Variants in NCALD observed in about 807,000 individuals in gnomAD.
NCALD encodes the protein neurocalcin-delta.
Under a neutral mutation model 18.6 loss-of-function variants are expected in NCALD, and 10 were observed. That is an observed-to-expected ratio of 0.54 (90% CI 0.33 to 0.91). The LOEUF is 0.91. NCALD is among the 40% of genes least tolerant of loss of function. The pLI is 0.03. For missense variants in NCALD, 184 were observed against 247.6 expected, an observed-to-expected ratio of 0.74 and a Z score of 1.72; for synonymous variants, 88 against 87.4, an observed-to-expected ratio of 1.01 and a Z score of -0.04.
chr8:102,045,919 T>C (rs1397425976), intron 1 of NCALD, among the ~76,000 whole-genome samples: 1 of 152,194 alleles, frequency 6.6e-6, no homozygotes, highest in Admixed American at 6.5e-5. Flanking sequence ...AGTTCACCAA[T>C]GTTTATTGAG....
At chr8:101,833,491 C>T (rs1035788086) in intron 4 of NCALD, among the ~76,000 whole-genome samples, 3 of 152,122 alleles carry the variant, frequency 2.0e-5, no homozygotes, top group African/African-American at 7.2e-5. Context: ...TCCAAACTGC[C>T]TTGGCTAGGA....
At chr8:101,863,269 C>G in intron 4 of NCALD, among the ~76,000 whole-genome samples, 1 of 152,152 alleles carries the variant, frequency 6.6e-6, no homozygotes, top group African/African-American at 2.4e-5. Context: ...TCTTATCAAC[C>G]TTGGGGTTTT....
At chr8:101,834,222 A>G (rs1229252153) in intron 4 of NCALD, among the ~76,000 whole-genome samples, 1 of 152,222 alleles carries the variant, frequency 6.6e-6, no homozygotes, top group Non-Finnish European at 1.5e-5. Flanking sequence ...ACATCAGTCG[A>G]TGCATTTACT....
intron 1 of NCALD, among the ~76,000 whole-genome samples, chr8:102,039,947 T>C (rs1175942779): frequency 6.6e-6 from 1 of 152,144 alleles, no homozygotes; most frequent in Non-Finnish European, 1.5e-5. Flanking sequence ...AGCCTGAGAC[T>C]CTCACCAGAT....
chr8:101,727,775 G>A (rs1816638330), intron 1 of NCALD, among the ~76,000 whole-genome samples: 1 of 152,196 alleles, frequency 6.6e-6, no homozygotes, highest in Non-Finnish European at 1.5e-5. Context: ...GCGTGAGCTG[G>A]CCCTGGGCCA....
intron 4 of NCALD, among the ~76,000 whole-genome samples, chr8:101,879,368 C>T (rs1044755913): frequency 1.3e-5 from 2 of 152,084 alleles, no homozygotes; most frequent in East Asian, 1.9e-4. Context: ...CAGACCTTCG[C>T]GGGGAGTATT....
At chr8:101,831,412 C>T (rs1358083345) in intron 4 of NCALD, among the ~76,000 whole-genome samples, 1 of 152,160 alleles carries the variant, frequency 6.6e-6, no homozygotes, top group East Asian at 1.9e-4. Flanking sequence ...CTTGCATGTA[C>T]CCACTCTCAA....
intron 1 of NCALD, among the ~76,000 whole-genome samples, chr8:101,780,781 A>G (rs1811981400): frequency 6.6e-6 from 1 of 152,240 alleles, no homozygotes; most frequent in Non-Finnish European, 1.5e-5. Context: ...CAGACATGAT[A>G]TAACATGATT....
intron 2 of NCALD, among the ~76,000 whole-genome samples, chr8:101,696,517 A>C (rs2130050335): frequency 6.6e-6 from 1 of 152,292 alleles, no homozygotes; most frequent in East Asian, 1.9e-4. Flanking sequence ...GGAAGCCCAG[A>C]GTGGGAGCGT....
intron 4 of NCALD, among the ~76,000 whole-genome samples, chr8:101,822,718 C>T (rs57850754): frequency 0.019 from 2,855 of 152,286 alleles, 97 homozygotes; most frequent in African/African-American, 0.064. Context: ...TTCCAGCAGG[C>T]AGAAACAGGA....
At chr8:101,828,139 C>T (rs565990516) in intron 4 of NCALD, among the ~76,000 whole-genome samples, 12 of 152,220 alleles carry the variant, frequency 7.9e-5, no homozygotes, top group Non-Finnish European at 1.6e-4. Context: ...CTCTCTACTT[C>T]TGCACTTGCC....
intron 3 of NCALD, among the ~76,000 whole-genome samples, chr8:101,902,841 G>C (rs142887438): frequency 3.5e-4 from 53 of 152,208 alleles, no homozygotes; most frequent in African/African-American, 1.1e-3. Flanking sequence ...TGGATTCCCT[G>C]ACCCAGCTCT....
intron 1 of NCALD, among the ~76,000 whole-genome samples, chr8:102,071,063 A>T (rs1824166302): frequency 6.6e-6 from 1 of 152,108 alleles, no homozygotes; most frequent in Non-Finnish European, 1.5e-5. Context: ...AGGTTCAGGG[A>T]TCCATCTGCT....
chr8:101,724,993 G>A (rs895386417), intron 1 of NCALD, among the ~76,000 whole-genome samples: 1 of 152,172 alleles, frequency 6.6e-6, no homozygotes, highest in African/African-American at 2.4e-5. Context: ...TGGGGGTGAG[G>A]CACTCCTAGG....
intron 1 of NCALD, among the ~76,000 whole-genome samples, chr8:101,726,487 T>C (rs548773779): frequency 1.3e-5 from 2 of 152,196 alleles, no homozygotes; most frequent in Admixed American, 6.5e-5. Flanking sequence ...ATGGTTCATA[T>C]GTAAGATGTG....
chr8:102,105,590 G>A (rs764013479), intron 1 of NCALD, among the ~76,000 whole-genome samples: 1 of 152,144 alleles, frequency 6.6e-6, no homozygotes, highest in African/African-American at 2.4e-5. Context: ...CCATACGTAA[G>A]ATAAAGAAAC....
rs546395292 is a variant in NCALD at position 101,845,875 on chromosome 8, C to G, written c.-20+41266G>C. On this transcript the variant is annotated intron_variant, in intron 4 of 6. Coordinates refer to the NCALD transcript ENST00000311028. ...TCTCTGGTAACTATCAGCCATTCCA[C>G]TCTCTACCTTCATAAGATGACCTTT... Among the ~76,000 whole-genome samples the G allele has an allele frequency of 4.5e-4, 69 of 152,322 alleles. 1 individual carries two copies. In the South Asian group the frequency reaches 0.013, roughly 30 times the overall value.
intron 1 of NCALD, chr8:101,745,911 T>C (rs1810407797): frequency 6.6e-6 from 1 of 152,164 alleles, no homozygotes; most frequent in Non-Finnish European, 1.5e-5. Context: ...AGTGGTGCAG[T>C]CAGATTTGAA....
chr8:101,989,469 C>T (rs1820958931), intron 2 of NCALD, among the ~76,000 whole-genome samples: 1 of 152,154 alleles, frequency 6.6e-6, no homozygotes, highest in African/African-American at 2.4e-5. Context: ...ACCAACCAAC[C>T]AAATTAGAGA....
Sources: allele counts gnomAD v4.1 joint callset (sites outside exome capture counted in the v4.1 genomes callset), GRCh38; gene constraint gnomAD v4.1.1; transcripts MANE v1.5; gene names NCBI Gene and HGNC (gene_info 2026-07-23, HGNC 2026-07-21).